Variants in PIWIL3 observed in about 807,000 individuals in gnomAD.
The protein encoded by PIWIL3 is piwi-like protein 3.
PIWIL3 carries 101 observed loss-of-function variants against 109.7 expected under a neutral mutation model. The observed-to-expected ratio is 0.92, with a 90% CI of 0.78 to 1.09. The LOEUF (loss-of-function observed/expected upper bound fraction) is 1.09, where lower values mean the gene tolerates loss of function less well. Ranked by LOEUF, PIWIL3 falls within the 50% of genes least tolerant of loss-of-function variation. PIWIL3 has a pLI of 0.00. For missense variants in PIWIL3, 1,031 were observed against 1,072.6 expected (o/e 0.96, Z 0.54); for synonymous variants, 373 against 376.4 (o/e 0.99, Z 0.10).
At chr22:24,749,628 C>T in intron 10 of PIWIL3, 65 bp downstream of exon 10, 1 of 1,612,402 alleles carries the variant, frequency 6.2e-7, no homozygotes, top group East Asian at 2.2e-5. Flanking sequence ...TTCGAATTCC[C>T]TGAAAAGCCT....
At chr22:24,757,282 C>T (rs1029131748) in intron 4 of PIWIL3, among the ~76,000 whole-genome samples, 6 of 151,710 alleles carry the variant, frequency 4.0e-5, no homozygotes, top group South Asian at 4.1e-4. Flanking sequence ...GGAGAGAAAG[C>T]GCCACCCTAT....
At chr22:24,756,042 T>C in intron 5 of PIWIL3, 137 bp from the exon 6 acceptor site, 4 of 884,260 alleles carry the variant, frequency 4.5e-6, no homozygotes, top group Non-Finnish European at 5.2e-6. Context: ...CAAAAGTACG[T>C]GCGTGTGGAA....
chr22:24,761,269 AGGGCTG>A (rs1925422271), intron 2 of PIWIL3, among the ~76,000 whole-genome samples: 1 of 152,130 alleles, frequency 6.6e-6, no homozygotes, highest in Non-Finnish European at 1.5e-5. Context: ...ATGAGGCTCA[AGGGCTG>A]GGTCTTGGCA....
intron 12 of PIWIL3, among the ~76,000 whole-genome samples, chr22:24,744,162 GA>G (rs1277640905): frequency 1.8e-5 from 1 of 54,908 alleles, no homozygotes; most frequent in African/African-American, 6.9e-5. Flanking sequence ...AACTCTAATT[GA>G]AAGAGTGACC....
intron 13 of PIWIL3, 39 bp downstream of exon 13, chr22:24,735,669 A>G: frequency 6.6e-7 from 1 of 1,521,900 alleles, no homozygotes; most frequent in Non-Finnish European, 8.9e-7. Context: ...TAAGATTGCT[A>G]ACAATCGATT....
intron 3 of PIWIL3, among the ~76,000 whole-genome samples, chr22:24,758,615 C>T (rs1925232952): frequency 1.3e-5 from 2 of 152,206 alleles, no homozygotes; most frequent in African/African-American, 4.8e-5. Context: ...TATTGTAAAT[C>T]CCGTACACCT....
chr22:24,748,633 A>G (rs1260782957), intron 12 of PIWIL3, among the ~76,000 whole-genome samples: 4 of 151,964 alleles, frequency 2.6e-5, no homozygotes, highest in African/African-American at 9.7e-5. Flanking sequence ...GATTCTAGGT[A>G]CTTGACTCTT....
rs1231086352 is a variant in PIWIL3, at chr22:24,719,351, A to G, written c.*121T>C. On this transcript the variant is annotated 3_prime_UTR_variant, in exon 21 of 21. Transcript: ENST00000616349. ...TCACTCTGAATCTCTCCTGTGTCCA[A>G]TCAAAAACGATGAGAATTTAATGCT... The G allele has an allele frequency of 1.9e-5, 14 of 753,936 alleles. No homozygotes were observed. The Admixed American group carries it at 2.7e-4, about 15-fold the overall frequency. 46.7% of individuals were successfully genotyped at this position (753,936 alleles called of 1,614,324 possible). A position where few individuals can be genotyped will look rare whatever the true frequency, so the allele number is the denominator to read the frequency against.
intron 11 of PIWIL3, 77 bp from the exon 12 acceptor site, chr22:24,749,098 T>C (rs1037273046): frequency 1.7e-5 from 20 of 1,172,014 alleles, no homozygotes; most frequent in Non-Finnish European, 2.4e-5. Flanking sequence ...GGCAATTTCC[T>C]TCTATTCCAA....
intron 16 of PIWIL3, among the ~76,000 whole-genome samples, chr22:24,726,062 C>CTAGGATT: frequency 6.6e-6 from 1 of 152,322 alleles, no homozygotes; most frequent in South Asian, 2.1e-4. Context: ...CCTCTTCTCA[C>CTAGGATT]TAGGATTTAA....
chr22:24,719,985 T>C (rs1180088977), intron 19 of PIWIL3, 90 bp from the exon 20 acceptor site: 2 of 1,134,204 alleles, frequency 1.8e-6, no homozygotes, highest in Non-Finnish European at 1.2e-6. Flanking sequence ...TTTAGTATAA[T>C]TGCTTACAAA....
chr22:24,740,698 C>G (rs1268496961), intron 12 of PIWIL3, among the ~76,000 whole-genome samples: 2 of 151,906 alleles, frequency 1.3e-5, no homozygotes, highest in African/African-American at 4.8e-5. Context: ...AATATACAAC[C>G]CTCCTAGATC....
chr22:24,774,378 T>C lies in PIWIL3; in HGVS notation c.-79A>G, dbSNP rs1926303785. 1 of 152,300 alleles carries C rather than the reference T, an allele frequency of 6.6e-6. No homozygotes were observed. 9.4% of individuals were successfully genotyped at this position (152,300 alleles called of 1,614,324 possible). ...AGTAGTCAGATCCTGATACGAACCA[T>C]GCACCTCCTCCAGCCATGATGACGC... On this transcript the variant is annotated 5_prime_UTR_variant, in exon 1 of 21. It removes an upstream start codon present in the reference 5' UTR. Transcript: ENST00000616349.
chr22:24,769,897 A>G (rs1926034626), intron 1 of PIWIL3: 1 of 152,198 alleles, frequency 6.6e-6, no homozygotes, highest in Non-Finnish European at 1.5e-5. Context: ...TGTTTTAAGA[A>G]AGTTTACGAA....
At chr22:24,744,195 A>AC (rs1440896129) in intron 12 of PIWIL3, among the ~76,000 whole-genome samples, 30 of 145,984 alleles carry the variant, frequency 2.1e-4, no homozygotes, top group African/African-American at 6.7e-4. Flanking sequence ...AAAAAAAAAA[A>AC]AAAAAAAAAA....
chr22:24,751,570 A>G, intron 8 of PIWIL3, 72 bp from the exon 9 acceptor site: 1 of 1,559,080 alleles, frequency 6.4e-7, no homozygotes, highest in Non-Finnish European at 8.6e-7. Flanking sequence ...GAAAATAGAC[A>G]TTTTTAATCC....
intron 13 of PIWIL3, among the ~76,000 whole-genome samples, chr22:24,734,788 C>A (rs538113705): frequency 4.0e-5 from 6 of 151,578 alleles, no homozygotes; most frequent in African/African-American, 1.5e-4. Flanking sequence ...ACAAACCCTG[C>A]CCTCAGGAGA....
chr22:24,724,436 A>ATTT lies in PIWIL3; in HGVS notation c.2231+448_2231+450dup, dbSNP rs111263336. 5.2e-3 allele frequency among the ~76,000 whole-genome samples: 708 copies of ATTT among 135,210 alleles called. 6 individuals are homozygous for ATTT. Among genetic ancestry groups the ATTT allele is most frequent in the African/African-American group, 0.018 (644 of 36,712 alleles). The allele number at this position is 135,210 out of a possible 152,430, so 88.7% of individuals were successfully genotyped here. The stretch of plus-strand genomic sequence containing the variant: ...ACCACCATGCTCAGCTAATTTTTTC[A>ATTT]TTTTTTTTTTTTTTTGAGACGGCGT... On this transcript the variant is annotated intron_variant, in intron 18 of 20. Coordinates refer to ENST00000616349, the MANE Select transcript of PIWIL3 (RefSeq NM_001255975.1).
chr22:24,758,905 TTA>T (rs1331574993), intron 3 of PIWIL3, among the ~76,000 whole-genome samples: 4 of 149,950 alleles, frequency 2.7e-5, no homozygotes, highest in African/African-American at 9.7e-5. Context: ...CCACATACTT[TTA>T]TCTTTTCAGA....
Sources: allele counts gnomAD v4.1 joint callset (sites outside exome capture counted in the v4.1 genomes callset), GRCh38; gene constraint gnomAD v4.1.1; transcripts MANE v1.5; gene names NCBI Gene and HGNC (gene_info 2026-07-23, HGNC 2026-07-21).